TMEM81: variants seen among roughly 807,000 people sequenced by gnomAD.
TMEM81 encodes the protein transmembrane protein 81.
For missense variants in TMEM81, 294 were observed against 300.5 expected, an observed-to-expected ratio of 0.98 and a Z score of 0.16; for synonymous variants, 132 against 119.1, an observed-to-expected ratio of 1.11 and a Z score of -0.71.
rs1574674435 is a variant in TMEM81, at chr1:205,083,820, G to GT, written c.500dup (p.Asn167LysfsTer18). The stretch of plus-strand genomic sequence containing the variant: ...AATAGAGCCTCTTGACGAGTCTCAA[G>GT]TTTTTTACCAGCTGCACATCACAGC... On this transcript the variant is annotated frameshift_variant, in exon 1 of 1. Coordinates refer to ENST00000367167, the MANE Select transcript of TMEM81 (RefSeq NM_203376.2). LOFTEE classifies it low-confidence loss of function (END_TRUNC). 1.2e-6 allele frequency: 2 copies of GT among 1,614,194 alleles called. No individual in the cohort carries two copies. Among genetic ancestry groups the GT allele is most frequent in the Non-Finnish European group, 1.7e-6 (2 of 1,180,042 alleles).
chr1:205,083,410 T>C lies in TMEM81; in HGVS notation c.*143A>G, dbSNP rs1217635811. 5.6e-6 allele frequency: 5 copies of C among 900,650 alleles called. No individual in the cohort carries two copies. The highest frequency in any genetic ancestry group is 7.0e-4 in the Middle Eastern group (2 of 2,844). The allele number at this position is 900,650 out of a possible 1,614,324, so 55.8% of individuals were successfully genotyped here. A position where few individuals can be genotyped will look rare whatever the true frequency, so the allele number is the denominator to read the frequency against. On this transcript the variant is annotated 3_prime_UTR_variant, in exon 1 of 1. Coordinates refer to ENST00000367167, the MANE Select transcript of TMEM81 (RefSeq NM_203376.2). ...GCTCCCAGGAGATTGTCCCCTCCAT[T>C]TCTCCCACTCATTCTTTTGGCTGTG... is the stretch of plus-strand genomic sequence containing the variant.
In TMEM81 at chr1:205,084,164, AG is replaced by A; in HGVS notation, c.156del (p.Cys53ValfsTer18). 6.2e-7 allele frequency: 1 copy of A among 1,614,204 alleles called. No homozygotes were observed. The highest frequency in any genetic ancestry group is 8.5e-7 in the Non-Finnish European group (1 of 1,180,050). Reference protein sequence around the residue: ...VIINATTCTVTCGLGYKEETV... With the variant: ...VIINATTCTVXCGLGYKEETV... The stretch of plus-strand genomic sequence containing the variant: ...GTCTCCTCCTTATAGCCAAGGCCAC[AG>A]GTGACAGTACAGGTTGTGGCATTGA... On this transcript the variant is annotated frameshift_variant, in exon 1 of 1. Transcript: ENST00000367167. LOFTEE classifies it low-confidence loss of function (END_TRUNC).
Position 205,083,364 on chromosome 1 carries a change from GA to G in TMEM81, c.*188del. On this transcript the variant is annotated 3_prime_UTR_variant, in exon 1 of 1. Coordinates refer to ENST00000367167, the MANE Select transcript of TMEM81 (RefSeq NM_203376.2). ...CAGGAAGAGATCCATGGGACATAAG[GA>G]AGTTAGGTTACTGCGCATAGCTCCC... 1.7e-6 allele frequency: 1 copy of G among 603,724 alleles called. No homozygotes were observed. The highest frequency in any genetic ancestry group is 2.8e-6 in the Non-Finnish European group (1 of 361,542). The allele number at this position is 603,724 out of a possible 1,614,324, so 37.4% of individuals were successfully genotyped here. A position where few individuals can be genotyped will look rare whatever the true frequency, so the allele number is the denominator to read the frequency against.
chr1:205,083,601 C>A lies in TMEM81; in HGVS notation c.720G>T (p.Val240=). Residue 240 remains valine (V), a synonymous_variant, in exon 1 of 1, where the codon GTG becomes GTT. Transcript: ENST00000367167. ...IGIAIGVVGG[V]LVRIVLCALR... ...GCGCACAGAGGACAATCCTCACCAA[C>A]ACGCCACCAACCACTCCAATGGCAA... The A allele has an allele frequency of 6.2e-7, 1 of 1,614,074 alleles. No homozygotes were observed.
chr1:205,083,970 G>C lies in TMEM81; in HGVS notation c.351C>G (p.Phe117Leu). The C allele has an allele frequency of 6.2e-7, 1 of 1,614,212 alleles. No individual in the cohort carries two copies. The change falls in exon 1 of 1, where the codon TTC becomes TTG. Residue 117 changes from phenylalanine (F) to leucine (L), a missense_variant. Physicochemically the swap from Phe to Leu is conservative, Grantham distance 22. Transcript: ENST00000367167. ...SDILEFGQEAFRFTWRLARGV... is the reference protein window; with the variant it reads ...SDILEFGQEALRFTWRLARGV... ...CTCGAGCAAGTCTCCAGGTGAACCG[G>C]AAAGCTTCCTGTCCAAACTCCAAGA...
rs1417198900 is a variant in TMEM81 at position 205,083,735 on chromosome 1, CAGTA to C, written c.582_585del (p.Thr195ArgfsTer5). 6.2e-7 allele frequency: 1 copy of C among 1,614,186 alleles called. No individual in the cohort carries two copies. ...CCCTCATCTATTAACTTCTGATCCT[CAGTA>C]AGTGACTGATGGAAATTCAGATTCA... On this transcript the variant is annotated frameshift_variant, in exon 1 of 1. Transcript: ENST00000367167. LOFTEE classifies it low-confidence loss of function (END_TRUNC).
chr1:205,084,457 AAAC>A lies in TMEM81; in HGVS notation c.-140_-138del, dbSNP rs1285096206. ...AGATATGATGCATGTATTGTCAATA[AAAC>A]AACACAACTTAATAAATAAAAGTCC... On this transcript the variant is annotated 5_prime_UTR_variant, in exon 1 of 1. Coordinates refer to ENST00000367167, the MANE Select transcript of TMEM81 (RefSeq NM_203376.2). The A allele has an allele frequency of 6.7e-6, 6 of 896,410 alleles. No individual in the cohort carries two copies. Among genetic ancestry groups the A allele is most frequent in the Admixed American group, 2.9e-5 (1 of 34,266 alleles). The allele number at this position is 896,410 out of a possible 1,614,324, so 55.5% of individuals were successfully genotyped here.
At position 205,083,875 on chromosome 1, in the gene TMEM81, T is replaced by A; in HGVS notation, c.446A>T (p.Tyr149Phe). The part of the protein sequence containing the change: ...QANSHFVKFK[Y>F]AQEYDSGTYR... ...TGTCCCAGAGTCATACTCCTGAGCA[T>A]ATTTAAACTTCACAAAGTGGGAGTT... Residue 149 changes from tyrosine to phenylalanine, a missense_variant, in exon 1 of 1, where the codon TAT (tyrosine) becomes TTT (phenylalanine). Coordinates refer to ENST00000367167, the MANE Select transcript of TMEM81 (RefSeq NM_203376.2). 1 of 1,614,194 alleles carries A rather than the reference T, an allele frequency of 6.2e-7. No individual in the cohort carries two copies. The highest frequency in any genetic ancestry group is 8.5e-7 in the Non-Finnish European group (1 of 1,180,034).
At position 205,083,889 on chromosome 1, in the gene TMEM81, A is replaced by G. The variant is rs758212102; in HGVS notation, c.432T>C (p.Phe144=). The G allele has an allele frequency of 6.2e-7, 1 of 1,614,196 alleles. No homozygotes were observed. Among genetic ancestry groups the G allele is most frequent in the Non-Finnish European group, 8.5e-7 (1 of 1,180,036 alleles). The change falls in exon 1 of 1, where the codon TTT becomes TTC. Residue 144 remains phenylalanine (F), a synonymous_variant. Coordinates refer to ENST00000367167, the MANE Select transcript of TMEM81 (RefSeq NM_203376.2). ...ACTCCTGAGCATATTTAAACTTCAC[A>G]AAGTGGGAGTTGGCTTGAAAGGGTT... ...VFKPFQANSH[F]VKFKYAQEYD... is the part of the protein sequence containing the mutation.
In TMEM81 at chr1:205,084,418, C is replaced by A. The variant is rs1255644251; in HGVS notation, c.-98G>T. The A allele has an allele frequency of 7.8e-7, 1 of 1,284,262 alleles. No individual in the cohort carries two copies. The allele number at this position is 1,284,262 out of a possible 1,614,324, so 79.6% of individuals were successfully genotyped here. A position where few individuals can be genotyped will look rare whatever the true frequency, so the allele number is the denominator to read the frequency against. ...ACTTGATTCCTTTGACATGAGATATCCTTCAAAGTCAAAAGATATGATGCA... is the reference window on the plus strand; with the variant it reads ...ACTTGATTCCTTTGACATGAGATATACTTCAAAGTCAAAAGATATGATGCA... On this transcript the variant is annotated 5_prime_UTR_variant, in exon 1 of 1. Transcript: ENST00000367167.
rs375494315 is a variant in TMEM81 at position 205,083,733 on chromosome 1, C to T, written c.588G>A (p.Glu196=). 3.2e-5 allele frequency: 52 copies of T among 1,614,170 alleles called. No homozygotes were observed. The highest frequency in any genetic ancestry group is 4.2e-5 in the Non-Finnish European group (49 of 1,180,032). ...VNLNFHQSLT[E]DQKLIDEGLE... is the part of the protein sequence containing the mutation. ...ATCCCTCATCTATTAACTTCTGATC[C>T]TCAGTAAGTGACTGATGGAAATTCA... The change falls in exon 1 of 1, where the codon GAG becomes GAA. Residue 196 remains glutamate (E), a synonymous_variant. Transcript: ENST00000367167.
chr1:205,084,083 C>G lies in TMEM81; in HGVS notation c.238G>C (p.Glu80Gln), dbSNP rs750290444. 1.2e-6 allele frequency: 2 copies of G among 1,614,226 alleles called. No homozygotes were observed. The highest frequency in any genetic ancestry group is 1.7e-6 in the Non-Finnish European group (2 of 1,180,042). ...CCACAGATCCAGTTGGTCAGACATT[C>G]TAAGCGCCGAGTCTGACATTTCCTT... ...VRRKCQTRRL[E>Q]CLTNWICGML... is the part of the protein sequence containing the mutation. Residue 80 changes from glutamate to glutamine, a missense_variant, in exon 1 of 1, where the codon GAA (glutamate) becomes CAA (glutamine). Glu to Gln is a conservative substitution (Grantham distance 29). Transcript: ENST00000367167.
chr1:205,084,010 C>T lies in TMEM81; in HGVS notation c.311G>A (p.Cys104Tyr), dbSNP rs759122151. 3 of 1,614,224 alleles carry T rather than the reference C, an allele frequency of 1.9e-6. No individual in the cohort carries two copies. The highest frequency in any genetic ancestry group is 2.5e-6 in the Non-Finnish European group (3 of 1,180,038). Residue 104 changes from cysteine (C) to tyrosine (Y), a missense_variant, in exon 1 of 1, where the codon TGT becomes TAT. By Grantham distance (194) the Cys-to-Tyr change is radical. Transcript: ENST00000367167. ...AAACTCCAAGATGTCTGAACTCAGA[C>T]AGCTAAGCTCAAATTCCTTGCCAAT... Reference protein sequence around the residue: ...ILIGKEFELSCLSSDILEFGQ... With the variant: ...ILIGKEFELSYLSSDILEFGQ...
chr1:205,084,413 G>C lies in TMEM81; in HGVS notation c.-93C>G. ...TCATAACTTGATTCCTTTGACATGA[G>C]ATATCCTTCAAAGTCAAAAGATATG... On this transcript the variant is annotated 5_prime_UTR_variant, in exon 1 of 1. It adds an upstream start codon to the 5' untranslated region. Transcript: ENST00000367167. 2 of 1,341,624 alleles carry C rather than the reference G, an allele frequency of 1.5e-6. No individual in the cohort carries two copies. Among genetic ancestry groups the C allele is most frequent in the Non-Finnish European group, 2.0e-6 (2 of 977,124 alleles). 83.1% of individuals were successfully genotyped at this position (1,341,624 alleles called of 1,614,324 possible).
At position 205,084,342 on chromosome 1, in the gene TMEM81, C is replaced by T. The variant is rs201801962; in HGVS notation, c.-22G>A. On this transcript the variant is annotated 5_prime_UTR_variant, in exon 1 of 1. In the 5' UTR this introduces an upstream ATG that the reference lacks. Transcript: ENST00000367167. Reference sequence around the variant, plus strand: ...TCATGTCTCGGTAGGCGTTTTGCCACCCTCAGCCAGCACCCACAAGGTATT... The same window carrying T: ...TCATGTCTCGGTAGGCGTTTTGCCATCCTCAGCCAGCACCCACAAGGTATT... The T allele has an allele frequency of 1.3e-6, 2 of 1,599,186 alleles. No homozygotes were observed. Among genetic ancestry groups the T allele is most frequent in the Non-Finnish European group, 1.7e-6 (2 of 1,172,516 alleles).
In TMEM81 at chr1:205,083,532, G is replaced by T. The variant is rs151238335; in HGVS notation, c.*21C>A. ...GGGCAGCCAGTTCTTCAGGAGCAAG[G>T]CTGTTAAGTTCTTGAAGCTGTCACT... On this transcript the variant is annotated 3_prime_UTR_variant, in exon 1 of 1. Transcript: ENST00000367167. The T allele has an allele frequency of 1.3e-4, 208 of 1,579,600 alleles. 1 individual carries two copies. In the African/African-American group the frequency reaches 2.5e-3, roughly 19 times the overall value.
Position 205,083,935 on chromosome 1 carries a change from G to C in TMEM81, c.386C>G (p.Ser129Cys), listed in dbSNP as rs759069074. Residue 129 changes from serine to cysteine, a missense_variant, in exon 1 of 1, where the codon TCC becomes TGC. Coordinates refer to ENST00000367167, the MANE Select transcript of TMEM81 (RefSeq NM_203376.2). ...FTWRLARGVI[S>C]TDDEVFKPFQ... ...GGGTTTGAAGACCTCATCGTCAGTG[G>C]AGATGACACCTCGAGCAAGTCTCCA... is the stretch of plus-strand genomic sequence containing the variant. 4 of 1,614,176 alleles carry C rather than the reference G, an allele frequency of 2.5e-6. No individual in the cohort carries two copies. The highest frequency in any genetic ancestry group is 2.5e-6 in the Non-Finnish European group (3 of 1,180,032).
chr1:205,083,145 T>C lies in TMEM81; in HGVS notation c.*408A>G, dbSNP rs1208294817. ...CCATACAGCTACTGTGAATTACTTT[T>C]ATTGAAAAAAAATGTTCACTAAAAA... On this transcript the variant is annotated 3_prime_UTR_variant, in exon 1 of 1. Transcript: ENST00000367167. The C allele has an allele frequency of 6.1e-6, 1 of 164,598 alleles. No homozygotes were observed. The highest frequency in any genetic ancestry group is 1.3e-5 in the Non-Finnish European group (1 of 76,842). 10.2% of individuals were successfully genotyped at this position (164,598 alleles called of 1,614,324 possible).
rs557171706 is a variant in TMEM81, at chr1:205,083,380, G to C, written c.*173C>G. On this transcript the variant is annotated 3_prime_UTR_variant, in exon 1 of 1. Transcript: ENST00000367167. ...GGACATAAGGAAGTTAGGTTACTGC[G>C]CATAGCTCCCAGGAGATTGTCCCCT... The C allele has an allele frequency of 1.4e-6, 1 of 692,370 alleles. No homozygotes were observed. The highest frequency in any genetic ancestry group is 1.8e-5 in the African/African-American group (1 of 55,766). The allele number at this position is 692,370 out of a possible 1,614,324, so 42.9% of individuals were successfully genotyped here. A position where few individuals can be genotyped will look rare whatever the true frequency, so the allele number is the denominator to read the frequency against.
Sources: allele counts gnomAD v4.1 joint callset, GRCh38; gene constraint gnomAD v4.1.1; transcripts MANE v1.5; gene names NCBI Gene and HGNC (gene_info 2026-07-23, HGNC 2026-07-21).